CDH11: variants seen among roughly 807,000 people sequenced by gnomAD.
CDH11 encodes cadherin-11.
CDH11 carries 11 observed loss-of-function variants against 67.8 expected under a neutral mutation model. The observed-to-expected ratio is 0.16, with a 90% CI of 0.10 to 0.27. The LOEUF (loss-of-function observed/expected upper bound fraction) is 0.27, where lower values mean the gene tolerates loss of function less well. Among genes scored for constraint, CDH11 ranks in the 10% least tolerant of loss-of-function variants. The probability of loss-of-function intolerance (pLI) is 1.00; values close to 1 mark genes in which losing one functional copy is unlikely to be tolerated. For missense variants in CDH11, 847 were observed against 1,031.2 expected, an observed-to-expected ratio of 0.82 and a Z score of 2.45; for synonymous variants, 419 against 400.0, an observed-to-expected ratio of 1.05 and a Z score of -0.57.
rs145128567 is a variant in CDH11, at chr16:65,051,823, A to G, written c.-173+1981T>C. Among the ~76,000 whole-genome samples the G allele has an allele frequency of 6.6e-3, 1,000 of 152,260 alleles. 4 individuals carry two copies. Among genetic ancestry groups the G allele is most frequent in the South Asian group, 0.018 (89 of 4,824 alleles). On this transcript the variant is annotated intron_variant, in intron 2 of 12. Coordinates refer to ENST00000268603, the MANE Select transcript of CDH11 (RefSeq NM_001797.4). ...GATGCTTACCTCTCCTTCCACCATG[A>G]TTCTAAGTTTCCTGAGGCTTCCCCA...
chr16:65,020,369 G>A (rs867555664), intron 2 of CDH11, among the ~76,000 whole-genome samples: 1 of 152,034 alleles, frequency 6.6e-6, no homozygotes, highest in African/African-American at 2.4e-5. Context: ...TCACTCTGTT[G>A]CCCAGGCTGA....
Position 64,971,575 on chromosome 16 carries a change from A to T in CDH11, c.1642+4T>A. 1 of 1,586,718 alleles carries T rather than the reference A, an allele frequency of 6.3e-7. No individual in the cohort carries two copies. Among genetic ancestry groups the T allele is most frequent in the Non-Finnish European group, 8.6e-7 (1 of 1,157,610 alleles). On this transcript the variant is annotated splice_donor_region_variant and intron_variant, in intron 11 of 12. Transcript: ENST00000268603. ...TCTGAATGCGTAGGAACCTTAGTACAAACCTCGGTTGTCTCTGACTGTGAA... is the reference window on the plus strand; with the variant it reads ...TCTGAATGCGTAGGAACCTTAGTACTAACCTCGGTTGTCTCTGACTGTGAA...
At chr16:64,974,235 GA>G (rs1031303963) in intron 8 of CDH11, among the ~76,000 whole-genome samples, 5 of 152,010 alleles carry the variant, frequency 3.3e-5, no homozygotes, top group East Asian at 3.9e-4. Context: ...CTCCAAAATA[GA>G]AAAGAACAAA....
intron 1 of CDH11, among the ~76,000 whole-genome samples, chr16:65,082,031 A>G (rs1052248853): frequency 2.6e-5 from 4 of 152,148 alleles, no homozygotes; most frequent in African/African-American, 9.7e-5. Flanking sequence ...GAGCTGCCTA[A>G]CAGGCTCTCA....
chr16:65,106,537 A>G (rs1026059751), intron 1 of CDH11, among the ~76,000 whole-genome samples: 2 of 152,164 alleles, frequency 1.3e-5, no homozygotes, highest in African/African-American at 4.8e-5. Context: ...TTTCTTATTA[A>G]TATGCATTAG....
chr16:65,075,743 G>A (rs1006504230), intron 1 of CDH11, among the ~76,000 whole-genome samples: 3 of 152,164 alleles, frequency 2.0e-5, no homozygotes, highest in Non-Finnish European at 4.4e-5. Context: ...CTATTGCACA[G>A]CCAGCGTAGA....
intron 1 of CDH11, among the ~76,000 whole-genome samples, chr16:65,115,878 C>G (rs1056491914): frequency 2.0e-5 from 3 of 152,032 alleles, no homozygotes; most frequent in African/African-American, 7.3e-5. Flanking sequence ...AGTTTGAGAC[C>G]AGCCATGAGC....
At chr16:64,997,978 T>C (rs1279320483) in intron 4 of CDH11, among the ~76,000 whole-genome samples, 1 of 152,228 alleles carries the variant, frequency 6.6e-6, no homozygotes, top group African/African-American at 2.4e-5. Context: ...GTGCATGTTA[T>C]AAAGAAGGCT....
intron 11 of CDH11, among the ~76,000 whole-genome samples, chr16:64,970,102 C>T (rs2071962148): frequency 6.6e-6 from 1 of 152,102 alleles, no homozygotes; most frequent in South Asian, 2.1e-4. Flanking sequence ...TTTAAAAACA[C>T]GTTTTTCTAC....
chr16:65,052,911 T>C lies in CDH11; in HGVS notation c.-173+893A>G, dbSNP rs149612633. Reference sequence around the variant, plus strand: ...GGAATCAAGAGGAATTAACTGCTATTGGAGGTGAGGGGTTGAGAGGCTTAA... The same window carrying C: ...GGAATCAAGAGGAATTAACTGCTATCGGAGGTGAGGGGTTGAGAGGCTTAA... On this transcript the variant is annotated intron_variant, in intron 2 of 12. Transcript: ENST00000268603. Among the ~76,000 whole-genome samples, 21 of 152,266 alleles carry C rather than the reference T, an allele frequency of 1.4e-4. No homozygotes were observed. The East Asian group carries it at 3.9e-3, about 28-fold the overall frequency.
rs145577112 is a variant in CDH11 at position 65,001,586 on chromosome 16, T to G, written c.229-2730A>C. 2.6e-5 allele frequency among the ~76,000 whole-genome samples: 4 copies of G among 152,324 alleles called. No homozygotes were observed. In the East Asian group the frequency reaches 7.7e-4, roughly 29 times the overall value. ...TCTAGAGGCCTTCATATATTACATG[T>G]GAATTTGGCAAGTTTCTTGAAAATT... On this transcript the variant is annotated intron_variant, in intron 3 of 12. Transcript: ENST00000268603.
rs904425017 is a variant in CDH11 at position 64,944,509 on chromosome 16, C to T, written c.*3094G>A. On this transcript the variant is annotated 3_prime_UTR_variant, in exon 13 of 13. Coordinates refer to ENST00000268603, the MANE Select transcript of CDH11 (RefSeq NM_001797.4). ...TTGCCCCTCTTCTGCTCAGAGACTC[C>T]AACTGCCCAGCCCCCATTCACCCCC... 4.3e-5 allele frequency: 10 copies of T among 233,150 alleles called. No individual in the cohort carries two copies. The highest frequency in any genetic ancestry group is 6.6e-5 in the African/African-American group (3 of 45,292). The allele number at this position is 233,150 out of a possible 1,614,324, so 14.4% of individuals were successfully genotyped here.
At chr16:65,068,289 C>T (rs2074354276) in intron 1 of CDH11, among the ~76,000 whole-genome samples, 1 of 151,810 alleles carries the variant, frequency 6.6e-6, no homozygotes, top group Admixed American at 6.6e-5. Flanking sequence ...CTGAAATGCC[C>T]TGTCTTTCCT....
intron 7 of CDH11, chr16:64,983,193 AAC>A (rs1327688967): frequency 2.0e-5 from 3 of 151,820 alleles, no homozygotes; most frequent in Non-Finnish European, 4.4e-5. Flanking sequence ...TTTAAAGAAA[AAC>A]AAATGAAAGC....
chr16:64,945,728 A>C lies in CDH11; in HGVS notation c.*1875T>G. 9.6e-7 allele frequency: 1 copy of C among 1,042,838 alleles called. No homozygotes were observed. Among genetic ancestry groups the C allele is most frequent in the Non-Finnish European group, 1.2e-6 (1 of 865,036 alleles). The allele number at this position is 1,042,838 out of a possible 1,614,324, so 64.6% of individuals were successfully genotyped here. ...CCAATTTGATTTCAATGCAAAGTAA[A>C]ATGGAAGTGAGCACTTCATAAAAAA... is the stretch of plus-strand genomic sequence containing the variant. On this transcript the variant is annotated 3_prime_UTR_variant, in exon 13 of 13. Transcript: ENST00000268603.
At chr16:64,980,598 G>A (rs2072306736) in intron 8 of CDH11, among the ~76,000 whole-genome samples, 1 of 152,222 alleles carries the variant, frequency 6.6e-6, no homozygotes, top group Non-Finnish European at 1.5e-5. Flanking sequence ...GAGACAGCAG[G>A]AGAGCTTCAA....
At chr16:64,961,470 C>T (rs769288254) in intron 11 of CDH11, among the ~76,000 whole-genome samples, 26 of 151,986 alleles carry the variant, frequency 1.7e-4, no homozygotes, top group Non-Finnish European at 2.9e-4. Flanking sequence ...TCTGAGATCC[C>T]GGGATGCATT....
chr16:65,090,052 G>A (rs894293009), intron 1 of CDH11, among the ~76,000 whole-genome samples: 5 of 152,092 alleles, frequency 3.3e-5, no homozygotes, highest in African/African-American at 1.2e-4. Context: ...TGATGACATG[G>A]TGTGATTGCA....
At chr16:64,999,994 C>T (rs1416261407) in intron 3 of CDH11, among the ~76,000 whole-genome samples, 2 of 152,100 alleles carry the variant, frequency 1.3e-5, no homozygotes, top group Non-Finnish European at 2.9e-5. Flanking sequence ...ATGTGGCCTG[C>T]CTGGAAGAAG....
Sources: allele counts gnomAD v4.1 joint callset (sites outside exome capture counted in the v4.1 genomes callset), GRCh38; gene constraint gnomAD v4.1.1; transcripts MANE v1.5; gene names NCBI Gene and HGNC (gene_info 2026-07-23, HGNC 2026-07-21).